C9orf85: variants seen among roughly 807,000 people sequenced by gnomAD.
C9orf85 encodes the protein chromosome 9 open reading frame 85, also known as uncharacterized protein C9orf85.
In C9orf85, 16 loss-of-function variants were observed where a neutral mutation model predicts 14.9. That is an observed-to-expected ratio of 1.08 (90% CI 0.73 to 1.63). C9orf85 has a LOEUF of 1.63. C9orf85 is among the 40% of genes most tolerant of loss of function. The pLI, the probability that C9orf85 is intolerant of heterozygous loss-of-function variation, is 0.00. For synonymous variants in C9orf85, 45 were observed against 56.8 expected (o/e 0.79, Z 0.93); for missense variants, 172 against 186.1 (o/e 0.92, Z 0.44).
chr9:71,965,832 A>G (rs1822676123), intron 2 of C9orf85, among the ~76,000 whole-genome samples: 1 of 152,188 alleles, frequency 6.6e-6, no homozygotes, highest in Non-Finnish European at 1.5e-5. Flanking sequence ...CACTAAAATG[A>G]TTAGTTGTGG....
chr9:71,936,279 T>A (rs1325939818), intron 1 of C9orf85, among the ~76,000 whole-genome samples: 1 of 152,124 alleles, frequency 6.6e-6, no homozygotes, highest in Non-Finnish European at 1.5e-5. Flanking sequence ...GTAATCTTCG[T>A]TGAGCTCATT....
Position 71,978,528 on chromosome 9 carries a change from G to A in C9orf85, c.324-4129G>A, listed in dbSNP as rs114756491. On this transcript the variant is annotated intron_variant, in intron 3 of 3. Coordinates refer to the C9orf85 transcript ENST00000377031. Reference sequence around the variant, plus strand: ...CTTGAGCAAAAGAATCCAGACACAAGGTATTATATACTTTATGGGCCGCAT... The same window carrying A: ...CTTGAGCAAAAGAATCCAGACACAAAGTATTATATACTTTATGGGCCGCAT... Among the ~76,000 whole-genome samples the A allele has an allele frequency of 1.7e-3, 255 of 152,172 alleles. 3 individuals carry two copies. The highest frequency in any genetic ancestry group is 5.7e-3 in the African/African-American group (238 of 41,516).
chr9:71,920,488 C>CGTT (rs1399697709), intron 1 of C9orf85, among the ~76,000 whole-genome samples: 2 of 152,128 alleles, frequency 1.3e-5, no homozygotes, highest in East Asian at 3.9e-4. Flanking sequence ...CCCAAATGGG[C>CGTT]CATTTTCCTT....
chr9:71,970,084 G>A (rs4745146), intron 2 of C9orf85, among the ~76,000 whole-genome samples: 151,336 of 152,206 alleles, frequency 0.99, 75,246 homozygotes, highest in Middle Eastern at 1. Flanking sequence ...AGCTGAGATT[G>A]CAGATGTGCT....
At chr9:71,918,707 G>A (rs1010027266) in intron 1 of C9orf85, among the ~76,000 whole-genome samples, 38 of 152,166 alleles carry the variant, frequency 2.5e-4, no homozygotes, top group African/African-American at 9.2e-4. Context: ...GATTTAGGCC[G>A]TGTGCTCCTT....
At chr9:71,968,610 G>A (rs954756783) in intron 2 of C9orf85, among the ~76,000 whole-genome samples, 1 of 152,074 alleles carries the variant, frequency 6.6e-6, no homozygotes, top group Non-Finnish European at 1.5e-5. Context: ...ATTATTCTTT[G>A]TTTTTTGAGA....
chr9:71,915,233 G>A (rs1441942568), intron 1 of C9orf85, among the ~76,000 whole-genome samples: 1 of 150,438 alleles, frequency 6.6e-6, no homozygotes, highest in Non-Finnish European at 1.5e-5. Context: ...CCAGGCTGGA[G>A]TGCAGTGGCG....
downstream of C9orf85, chr9:71,985,495 A>G (rs138178694): frequency 1.0e-3 from 155 of 152,292 alleles, no homozygotes; most frequent in African/African-American, 3.6e-3. Flanking sequence ...ACCTACTGAA[A>G]CATACTCTGT....
chr9:71,976,042 A>T (rs1822990635), downstream of C9orf85, among the ~76,000 whole-genome samples: 1 of 152,214 alleles, frequency 6.6e-6, no homozygotes, highest in Non-Finnish European at 1.5e-5. Context: ...CTAGTGACAT[A>T]TATTAATAGC....
At chr9:71,923,472 T>A (rs1441710109) in intron 1 of C9orf85, among the ~76,000 whole-genome samples, 1 of 152,196 alleles carries the variant, frequency 6.6e-6, no homozygotes, top group Non-Finnish European at 1.5e-5. Context: ...TTCTCCATGT[T>A]GGTCAGGTTG....
At position 71,911,850 on chromosome 9, in the gene C9orf85, T is replaced by C. The variant is rs1467093142; in HGVS notation, c.102+14T>C. 6.2e-7 allele frequency: 1 copy of C among 1,608,852 alleles called. No homozygotes were observed. The highest frequency in any genetic ancestry group is 1.7e-5 in the Admixed American group (1 of 60,018). The stretch of plus-strand genomic sequence containing the variant: ...GTGCAGACCAAGGTAGGAACCTGCC[T>C]GTTGCACCGTCTTTGACTCCAGGAA... On this transcript the variant is annotated intron_variant, in intron 1 of 3. Coordinates refer to ENST00000334731, the MANE Select transcript of C9orf85 (RefSeq NM_182505.5).
chr9:71,913,670 A>T (rs1405031803), intron 1 of C9orf85, among the ~76,000 whole-genome samples: 2 of 152,190 alleles, frequency 1.3e-5, no homozygotes, highest in East Asian at 3.8e-4. Flanking sequence ...TCTTACCCTA[A>T]GGTTGTGCAC....
chr9:71,977,430 G>T (rs1343973759), downstream of C9orf85, among the ~76,000 whole-genome samples: 1 of 152,074 alleles, frequency 6.6e-6, no homozygotes, highest in Non-Finnish European at 1.5e-5. Flanking sequence ...TTATCAATTT[G>T]GTTGTTTGAT....
chr9:71,984,428 C>T (rs1017257098), downstream of C9orf85: 1 of 152,182 alleles, frequency 6.6e-6, no homozygotes, highest in African/African-American at 2.4e-5. Flanking sequence ...CTGAAAATGT[C>T]CACACTTCCC....
chr9:71,971,177 A>T (rs1471126616), intron 2 of C9orf85, among the ~76,000 whole-genome samples: 2 of 152,110 alleles, frequency 1.3e-5, no homozygotes, highest in Non-Finnish European at 2.9e-5. Context: ...TATTGGATTT[A>T]TTCCTTTATT....
Position 71,955,011 on chromosome 9 carries a change from T to G in C9orf85, c.209+7899T>G, listed in dbSNP as rs149446407. On this transcript the variant is annotated intron_variant, in intron 2 of 3. Transcript: ENST00000334731. Reference sequence around the variant, plus strand: ...ATAATATTTTATTAACCAACCCCTTTCCTTTTTTTAGCCTCTATTTTTAAA... The same window carrying G: ...ATAATATTTTATTAACCAACCCCTTGCCTTTTTTTAGCCTCTATTTTTAAA... 7.0e-4 allele frequency among the ~76,000 whole-genome samples: 106 copies of G among 152,296 alleles called. 1 individual carries two copies. The highest frequency in any genetic ancestry group is 2.4e-3 in the African/African-American group (101 of 41,552).
At chr9:71,954,146 G>A (rs1822319593) in intron 2 of C9orf85, among the ~76,000 whole-genome samples, 1 of 147,862 alleles carries the variant, frequency 6.8e-6, no homozygotes, top group Non-Finnish European at 1.5e-5. Context: ...TTTTACATAA[G>A]TTGAGTCAAG....
intron 3 of C9orf85, among the ~76,000 whole-genome samples, chr9:71,972,289 C>A (rs1183287706): frequency 6.6e-6 from 1 of 151,004 alleles, no homozygotes; most frequent in Non-Finnish European, 1.5e-5. Context: ...GAAGGAGTTT[C>A]GCTCTTGTTG....
chr9:71,913,498 A>G (rs940778457), intron 1 of C9orf85, among the ~76,000 whole-genome samples: 2 of 152,206 alleles, frequency 1.3e-5, no homozygotes, highest in African/African-American at 4.8e-5. Flanking sequence ...TTTTAAATTA[A>G]GTGCTCTCCT....
Sources: gnomAD v4.1 joint callset for allele counts (sites outside exome capture counted in the v4.1 genomes callset) on GRCh38, gnomAD v4.1.1 for gene constraint, MANE v1.5 for transcripts, NCBI Gene and HGNC (gene_info 2026-07-23, HGNC 2026-07-21) for gene names.